UBXN11: variants seen among roughly 807,000 people sequenced by gnomAD.
UBXN11 encodes the protein UBX domain protein 11, also known as UBX domain-containing protein 11.
In UBXN11, 47 loss-of-function variants were observed where a neutral mutation model predicts 62.8. The ratio of observed to expected loss-of-function variants is 0.75; its 90% CI spans 0.59 to 0.95. The LOEUF (loss-of-function observed/expected upper bound fraction) is 0.95, where lower values mean the gene tolerates loss of function less well. Among genes scored for constraint, UBXN11 ranks in the 40% least tolerant of loss-of-function variants. The probability of loss-of-function intolerance (pLI) is 0.00; values close to 1 mark genes in which losing one functional copy is unlikely to be tolerated. For synonymous variants in UBXN11, 294 were observed against 267.0 expected (o/e 1.10, Z -0.99); for missense variants, 638 against 661.7 (o/e 0.96, Z 0.39).
upstream of UBXN11, among the ~76,000 whole-genome samples, chr1:26,307,464 T>G (rs2073691376): frequency 1.3e-5 from 2 of 151,132 alleles, no homozygotes; most frequent in South Asian, 2.1e-4. Context: ...AGAGAGCACT[T>G]TTTCAAAAAC....
chr1:26,289,472 C>T lies in UBXN11; in HGVS notation c.560-3435G>A, dbSNP rs571011985. Among the ~76,000 whole-genome samples the T allele has an allele frequency of 3.3e-5, 5 of 152,098 alleles. No individual in the cohort carries two copies. In the East Asian group the frequency reaches 9.8e-4, roughly 30 times the overall value. On this transcript the variant is annotated intron_variant, in intron 8 of 14. Transcript: ENST00000374222. The stretch of plus-strand genomic sequence containing the variant: ...GCTTTCTGCTTGCTTGTTTGCCTTC[C>T]AGCCATGCTGGGCACCCCTTGAGCT...
upstream of UBXN11, chr1:26,306,870 G>A (rs1384033297): frequency 6.7e-6 from 1 of 148,596 alleles, no homozygotes; most frequent in Non-Finnish European, 1.5e-5. Context: ...AGGTGCGGGA[G>A]GAAGGAGCCT....
At chr1:26,300,463 G>A (rs578128343) in intron 4 of UBXN11, among the ~76,000 whole-genome samples, 30 of 152,130 alleles carry the variant, frequency 2.0e-4, no homozygotes, top group Non-Finnish European at 3.7e-4. Context: ...CCTTTTCTCA[G>A]ACCTGCTAAA....
chr1:26,310,530 C>T (rs1461908867), upstream of UBXN11, among the ~76,000 whole-genome samples: 1 of 102,522 alleles, frequency 9.8e-6, no homozygotes, highest in Non-Finnish European at 2.1e-5. Context: ...AAGAGCAAGA[C>T]TCCATCTCAA....
At chr1:26,287,198 T>C (rs1211460040) in intron 8 of UBXN11, among the ~76,000 whole-genome samples, 1 of 152,050 alleles carries the variant, frequency 6.6e-6, no homozygotes, top group African/African-American at 2.4e-5. Flanking sequence ...AGGGAGGATG[T>C]AGGGACAGCT....
At chr1:26,301,607 T>C (rs2073535725) in intron 3 of UBXN11, 87 bp downstream of exon 3, 1 of 1,566,334 alleles carries the variant, frequency 6.4e-7, no homozygotes, top group Non-Finnish European at 8.7e-7. Context: ...CAAGGGCCTT[T>C]CTCGTGTGAT....
chr1:26,301,188 T>C, intron 3 of UBXN11, 164 bp from the exon 4 acceptor site: 1 of 1,364,522 alleles, frequency 7.3e-7, no homozygotes, highest in Non-Finnish European at 9.8e-7. Flanking sequence ...AGAATGGGGC[T>C]GTTTTGGAGT....
upstream of UBXN11, chr1:26,306,836 G>GGC (rs1557692070): frequency 3.3e-5 from 4 of 121,556 alleles, no homozygotes; most frequent in African/African-American, 6.3e-5. Flanking sequence ...GGGTGGGGGG[G>GGC]GGGGGTGGTT....
chr1:26,292,660 C>A (rs2073297816), intron 8 of UBXN11, among the ~76,000 whole-genome samples: 1 of 152,094 alleles, frequency 6.6e-6, no homozygotes, highest in Non-Finnish European at 1.5e-5. Context: ...TTGAGACCAG[C>A]CTGACCAACA....
intron 10 of UBXN11, chr1:26,284,916 T>C: frequency 1.0e-6 from 1 of 1,003,658 alleles, no homozygotes; most frequent in Non-Finnish European, 1.2e-6. Context: ...GCGTCATGAC[T>C]CATGCTGTTT....
chr1:26,285,575 T>TGGGCCTTGGGCCC, intron 9 of UBXN11, 34 bp from the exon 10 acceptor site: 1 of 1,518,022 alleles, frequency 6.6e-7, no homozygotes, highest in Non-Finnish European at 8.9e-7. Context: ...GGGGGTGGCC[T>TGGGCCTTGGGCCC]GGGCCTTGGG....
At chr1:26,294,171 T>G (rs755228197) in intron 8 of UBXN11, 34 bp downstream of exon 8, 1 of 1,611,280 alleles carries the variant, frequency 6.2e-7, no homozygotes, top group East Asian at 2.2e-5. Flanking sequence ...AGAATTCCTT[T>G]TGAAGAGGGC....
intron 8 of UBXN11, among the ~76,000 whole-genome samples, chr1:26,292,197 G>A (rs889525065): frequency 7.9e-5 from 12 of 152,168 alleles, no homozygotes; most frequent in African/African-American, 2.9e-4. Flanking sequence ...TCTGTGAAAT[G>A]GAGTAACTCC....
At chr1:26,290,364 G>A (rs757447122) in intron 8 of UBXN11, among the ~76,000 whole-genome samples, 3 of 152,154 alleles carry the variant, frequency 2.0e-5, no homozygotes, top group African/African-American at 7.2e-5. Flanking sequence ...GGTCTGACCC[G>A]ACCTGAACCC....
intron 1 of UBXN11, among the ~76,000 whole-genome samples, chr1:26,305,658 T>C (rs1185667339): frequency 4.2e-5 from 6 of 142,044 alleles, no homozygotes; most frequent in Non-Finnish European, 4.6e-5. Flanking sequence ...ACGTGAATTA[T>C]ATCTCAATAA....
intron 3 of UBXN11, among the ~76,000 whole-genome samples, chr1:26,301,432 C>T (rs1329254024): frequency 6.6e-6 from 1 of 152,150 alleles, no homozygotes; most frequent in African/African-American, 2.4e-5. Flanking sequence ...TAGGCACACA[C>T]TGGCCAGTCC....
chr1:26,297,450 A>C lies in UBXN11; in HGVS notation c.332T>G (p.Val111Gly). 1 of 1,555,738 alleles carries C rather than the reference A, an allele frequency of 6.4e-7. No homozygotes were observed. The highest frequency in any genetic ancestry group is 8.7e-7 in the Non-Finnish European group (1 of 1,149,364). Residue 111 changes from valine (V) to glycine (G), a missense_variant, in exon 6 of 15, where the codon GTG becomes GGG. By Grantham distance (109) the Val-to-Gly change is moderately radical (BLOSUM62 -3). Coordinates refer to ENST00000374222, the MANE Select transcript of UBXN11 (RefSeq NM_001389556.1). ...ACCTGGGTGTGGCCGGAGGGTCTGC[A>C]CCAGGTCCTCTAGGGCCGCTATCTT... ...DQKIAALEDL[V>G]QTLRPHPAEA... is the part of the protein sequence containing the mutation.
At chr1:26,295,043 G>A (rs942333539) in intron 7 of UBXN11, among the ~76,000 whole-genome samples, 18 of 152,036 alleles carry the variant, frequency 1.2e-4, no homozygotes, top group Non-Finnish European at 2.4e-4. Context: ...AAATATATAC[G>A]ACAGAACCCA....
intron 1 of UBXN11, among the ~76,000 whole-genome samples, chr1:26,313,804 T>A (rs2073766138): frequency 6.9e-6 from 1 of 144,038 alleles, no homozygotes; most frequent in African/African-American, 2.6e-5. Context: ...TTTTTGAGAC[T>A]TAGTCTTGCT....
Sources: gnomAD v4.1 joint callset for allele counts (sites outside exome capture counted in the v4.1 genomes callset) on GRCh38, gnomAD v4.1.1 for gene constraint, MANE v1.5 for transcripts, NCBI Gene and HGNC (gene_info 2026-07-23, HGNC 2026-07-21) for gene names.